The following GALNTL5 variants were observed in gnomAD, a reference collection of about 807,000 sequenced individuals.
The protein encoded by GALNTL5 is inactive polypeptide N-acetylgalactosaminyltransferase-like protein 5.
GALNTL5 carries 44 observed loss-of-function variants against 51.0 expected under a neutral mutation model. The ratio of observed to expected loss-of-function variants is 0.86; its 90% CI spans 0.68 to 1.11. The LOEUF (loss-of-function observed/expected upper bound fraction) is 1.11, where lower values mean the gene tolerates loss of function less well. Ranked by LOEUF, GALNTL5 falls within the 50% of genes least tolerant of loss-of-function variation. The pLI is 0.00. For missense variants in GALNTL5, 528 were observed against 531.8 expected (o/e 0.99, Z 0.07); for synonymous variants, 192 against 182.8 (o/e 1.05, Z -0.41).
intron 7 of GALNTL5, among the ~76,000 whole-genome samples, chr7:152,008,617 G>A (rs1212431240): frequency 6.6e-6 from 1 of 151,248 alleles, no homozygotes; most frequent in Non-Finnish European, 1.5e-5. Flanking sequence ...TTCCCAAGCA[G>A]ACTTCTTTCA....
chr7:152,000,866 TTC>T (rs1300190399), intron 5 of GALNTL5, among the ~76,000 whole-genome samples: 1 of 152,022 alleles, frequency 6.6e-6, no homozygotes, highest in African/African-American at 2.4e-5. Flanking sequence ...GTGGATTTTT[TTC>T]TCTTTCTTTG....
At chr7:152,012,360 GC>G (rs1369099041) in intron 7 of GALNTL5, among the ~76,000 whole-genome samples, 1 of 152,094 alleles carries the variant, frequency 6.6e-6, no homozygotes, top group Non-Finnish European at 1.5e-5. Flanking sequence ...AGTCAGAATG[GC>G]TATTACTAAA....
At chr7:151,998,496 G>A (rs894540876) in intron 5 of GALNTL5, among the ~76,000 whole-genome samples, 4 of 152,124 alleles carry the variant, frequency 2.6e-5, no homozygotes, top group African/African-American at 9.7e-5. Context: ...TCCAAGCTGG[G>A]CATGGTGGCT....
chr7:151,957,161 GA>G (rs796527352), intron 1 of GALNTL5, among the ~76,000 whole-genome samples: 203 of 148,218 alleles, frequency 1.4e-3, no homozygotes, highest in African/African-American at 4.8e-3. Context: ...AAAAAAAAAG[GA>G]AAAAAAGTGT....
intron 3 of GALNTL5, among the ~76,000 whole-genome samples, chr7:151,980,791 G>T (rs1228286571): frequency 7.9e-6 from 1 of 127,180 alleles, no homozygotes; most frequent in Non-Finnish European, 1.6e-5. Context: ...TGTCGCCCAG[G>T]CTGGAGTGCA....
chr7:152,004,283 T>C (rs1383474596), intron 6 of GALNTL5, among the ~76,000 whole-genome samples: 1 of 151,056 alleles, frequency 6.6e-6, no homozygotes, highest in Non-Finnish European at 1.5e-5. Context: ...AAATGTTCTG[T>C]CAGTATACCT....
chr7:151,976,766 C>T (rs2081211588), intron 3 of GALNTL5, among the ~76,000 whole-genome samples: 2 of 152,110 alleles, frequency 1.3e-5, no homozygotes. Context: ...CCTCCAGGTT[C>T]AAGCAATTCT....
chr7:151,981,680 T>G (rs1476354981), intron 3 of GALNTL5, among the ~76,000 whole-genome samples: 3 of 142,212 alleles, frequency 2.1e-5, no homozygotes, highest in Non-Finnish European at 4.6e-5. Flanking sequence ...CTTCTTTCTT[T>G]CTTTTTTTTT....
intron 5 of GALNTL5, among the ~76,000 whole-genome samples, chr7:151,990,476 G>A (rs1224102103): frequency 6.8e-6 from 1 of 146,988 alleles, no homozygotes; most frequent in Admixed American, 7.0e-5. Context: ...AGCTACTCGG[G>A]AGGCTGAGGC....
At chr7:151,968,269 A>T (rs1282587279) in intron 2 of GALNTL5, among the ~76,000 whole-genome samples, 3 of 152,196 alleles carry the variant, frequency 2.0e-5, no homozygotes, top group African/African-American at 7.2e-5. Context: ...ACTATACTCC[A>T]GCCTGGGCAA....
chr7:151,965,774 C>G (rs1354592974), intron 1 of GALNTL5, among the ~76,000 whole-genome samples: 1 of 152,008 alleles, frequency 6.6e-6, no homozygotes, highest in Non-Finnish European at 1.5e-5. Context: ...GTGGTCTCAG[C>G]TATTCAGGAA....
intron 3 of GALNTL5, among the ~76,000 whole-genome samples, chr7:151,975,762 T>TA (rs2081197348): frequency 6.6e-6 from 1 of 152,154 alleles, no homozygotes; most frequent in Non-Finnish European, 1.5e-5. Flanking sequence ...TATTTTTTTT[T>TA]ATTTCCATTT....
At chr7:151,996,240 GGTACAT>G (rs2081498762) in intron 5 of GALNTL5, among the ~76,000 whole-genome samples, 1 of 150,894 alleles carries the variant, frequency 6.6e-6, no homozygotes, top group Non-Finnish European at 1.5e-5. Flanking sequence ...TAAGTTTTAG[GGTACAT>G]GTGCACAATG....
chr7:151,980,936 G>T (rs991207883), intron 3 of GALNTL5, among the ~76,000 whole-genome samples: 5 of 151,512 alleles, frequency 3.3e-5, no homozygotes, highest in East Asian at 1.9e-4. Context: ...TAGTAGAGAC[G>T]GGGTTTCACC....
chr7:151,961,803 G>C (rs1441003607), intron 1 of GALNTL5, among the ~76,000 whole-genome samples: 2 of 152,020 alleles, frequency 1.3e-5, no homozygotes, highest in Non-Finnish European at 2.9e-5. Context: ...GTTTGATATG[G>C]TTTGCATTTC....
intron 7 of GALNTL5, among the ~76,000 whole-genome samples, chr7:152,012,494 T>C (rs1245680355): frequency 3.9e-5 from 6 of 152,134 alleles, no homozygotes; most frequent in Non-Finnish European, 8.8e-5. Context: ...TGGAAAGCAG[T>C]TGGGAGATTT....
chr7:151,957,245 T>C (rs958916457), intron 1 of GALNTL5, among the ~76,000 whole-genome samples: 2 of 151,910 alleles, frequency 1.3e-5, no homozygotes, highest in African/African-American at 4.8e-5. Flanking sequence ...AATAGACTCG[T>C]ATTTTTTTAA....
chr7:151,995,330 T>G, intron 5 of GALNTL5: 1 of 137,334 alleles, frequency 7.3e-6, no homozygotes. Context: ...TAAAGAAATC[T>G]ACGATCAGTT....
intron 1 of GALNTL5, among the ~76,000 whole-genome samples, chr7:151,958,939 G>A (rs4311587): frequency 0.22 from 33,971 of 152,038 alleles, 4,365 homozygotes; most frequent in African/African-American, 0.32. Flanking sequence ...CTGAGTCTGG[G>A]GTTTTCATGG....
Sources: allele counts gnomAD v4.1 joint callset (sites outside exome capture counted in the v4.1 genomes callset), GRCh38; gene constraint gnomAD v4.1.1; transcripts MANE v1.5; gene names NCBI Gene and HGNC (gene_info 2026-07-23, HGNC 2026-07-21).